The following TEAD1 variants were observed in gnomAD, a reference collection of about 807,000 sequenced individuals.
TEAD1 encodes transcriptional enhancer factor TEF-1.
In TEAD1, 9 loss-of-function variants were observed where a neutral mutation model predicts 54.9. The observed-to-expected ratio is 0.16, with a 90% CI of 0.10 to 0.29. TEAD1 has a LOEUF of 0.29. Ranked by LOEUF, TEAD1 falls within the 10% of genes least tolerant of loss-of-function variation. The pLI is 1.00. For synonymous variants in TEAD1, 200 were observed against 187.8 expected (o/e 1.07, Z -0.53); for missense variants, 387 against 535.9 (o/e 0.72, Z 2.74).
intron 3 of TEAD1, among the ~76,000 whole-genome samples, chr11:12,793,167 A>G (rs1031830377): frequency 6.6e-6 from 1 of 151,602 alleles, no homozygotes; most frequent in African/African-American, 2.4e-5. Flanking sequence ...CCGGTTGCCT[A>G]TTTTTGAGCA....
At chr11:12,767,699 G>A (rs772550910) in intron 3 of TEAD1, among the ~76,000 whole-genome samples, 19 of 152,200 alleles carry the variant, frequency 1.2e-4, no homozygotes, top group Non-Finnish European at 8.8e-5. Flanking sequence ...TGGGCTGTGT[G>A]TGGATAGGTG....
intron 3 of TEAD1, among the ~76,000 whole-genome samples, chr11:12,795,497 C>CA (rs1055859975): frequency 6.6e-6 from 1 of 152,168 alleles, no homozygotes; most frequent in Non-Finnish European, 1.5e-5. Context: ...GGTATGGTCA[C>CA]AATTAGGCAG....
chr11:12,732,866 T>C (rs1002420600), intron 2 of TEAD1, among the ~76,000 whole-genome samples: 3 of 152,202 alleles, frequency 2.0e-5, no homozygotes, highest in Non-Finnish European at 4.4e-5. Flanking sequence ...CTGCGAGATA[T>C]AGAAAAAAGA....
At chr11:12,932,756 C>G (rs1467818465) in intron 12 of TEAD1, among the ~76,000 whole-genome samples, 1 of 152,156 alleles carries the variant, frequency 6.6e-6, no homozygotes, top group Non-Finnish European at 1.5e-5. Context: ...CAAAAGTTTA[C>G]AGTAGTATAC....
At chr11:12,845,485 C>T (rs1947127816) in intron 3 of TEAD1, among the ~76,000 whole-genome samples, 1 of 151,930 alleles carries the variant, frequency 6.6e-6, no homozygotes. Flanking sequence ...AACAGAGCGT[C>T]CTCTTTCATT....
At chr11:12,706,127 C>T (rs146368971) in intron 2 of TEAD1, among the ~76,000 whole-genome samples, 32 of 152,292 alleles carry the variant, frequency 2.1e-4, no homozygotes, top group East Asian at 1.5e-3. Context: ...TGAAATATTG[C>T]GTAAATATGT....
intron 3 of TEAD1, among the ~76,000 whole-genome samples, chr11:12,859,378 A>G (rs949998953): frequency 1.3e-5 from 2 of 150,908 alleles, no homozygotes; most frequent in African/African-American, 2.5e-5. Flanking sequence ...CCCTGGATCT[A>G]TTTCGCCTTG....
At position 12,864,940 on chromosome 11, in the gene TEAD1, A is replaced by G. The variant is rs745938104; in HGVS notation, c.330+40A>G. The G allele has an allele frequency of 5.0e-6, 8 of 1,607,760 alleles. No homozygotes were observed. In the East Asian group the frequency reaches 1.1e-4, roughly 22 times the overall value. On this transcript the variant is annotated intron_variant, in intron 5 of 12. Transcript: ENST00000527636. ...GCTTTTTGGCTTGTGGTTGCTATGCATCTCACTTCCTGTTTTCCATGGTGA... is the reference window on the plus strand; with the variant it reads ...GCTTTTTGGCTTGTGGTTGCTATGCGTCTCACTTCCTGTTTTCCATGGTGA...
At chr11:12,866,922 G>A (rs951481064) in intron 5 of TEAD1, among the ~76,000 whole-genome samples, 2 of 152,164 alleles carry the variant, frequency 1.3e-5, no homozygotes, top group African/African-American at 2.4e-5. Context: ...GGGTAATAGC[G>A]GGAGCAGCCA....
chr11:12,810,285 C>T (rs1317081292), intron 3 of TEAD1, among the ~76,000 whole-genome samples: 1 of 152,070 alleles, frequency 6.6e-6, no homozygotes, highest in African/African-American at 2.4e-5. Context: ...TTCCTCTTTC[C>T]CCATTCTTAA....
At position 12,930,524 on chromosome 11, in the gene TEAD1, G is replaced by A. The variant is rs72864316; in HGVS notation, c.1167+198G>A. On this transcript the variant is annotated intron_variant, in intron 12 of 12. Coordinates refer to ENST00000527636, the MANE Select transcript of TEAD1 (RefSeq NM_021961.6). ...TTGGGCTTGATTCTGTAGAAGAGAA[G>A]GGGTTTTATCTGGCTGGGGTTTCTA... Among the ~76,000 whole-genome samples the A allele has an allele frequency of 2.4e-3, 364 of 152,286 alleles. 1 individual carries two copies. The highest frequency in any genetic ancestry group is 6.8e-3 in the Middle Eastern group (2 of 294).
chr11:12,924,132 A>T (rs1007110599), intron 10 of TEAD1, among the ~76,000 whole-genome samples: 2 of 152,138 alleles, frequency 1.3e-5, no homozygotes, highest in Non-Finnish European at 2.9e-5. Flanking sequence ...TCCTTAATCC[A>T]TGCCCAGAAG....
chr11:12,795,342 C>T (rs1945892933), intron 3 of TEAD1, among the ~76,000 whole-genome samples: 1 of 152,182 alleles, frequency 6.6e-6, no homozygotes, highest in Admixed American at 6.5e-5. Context: ...CTGATCATAT[C>T]TTCAATGACA....
At chr11:12,851,351 T>TAG (rs1282332268) in intron 3 of TEAD1, among the ~76,000 whole-genome samples, 1 of 151,642 alleles carries the variant, frequency 6.6e-6, no homozygotes, top group East Asian at 1.9e-4. Flanking sequence ...TAGACACTTT[T>TAG]AGGAGGATTT....
At chr11:12,847,148 A>C (rs1418261913) in intron 3 of TEAD1, among the ~76,000 whole-genome samples, 1 of 152,148 alleles carries the variant, frequency 6.6e-6, no homozygotes, top group Non-Finnish European at 1.5e-5. Context: ...ACTGCGTCCC[A>C]TGAGCCATGA....
chr11:12,905,485 T>G (rs1465531947), intron 10 of TEAD1, among the ~76,000 whole-genome samples: 1 of 152,334 alleles, frequency 6.6e-6, no homozygotes, highest in East Asian at 1.9e-4. Flanking sequence ...ATAAAGAAAT[T>G]CAGTCATAAC....
chr11:12,873,382 T>C (rs1223945671), intron 5 of TEAD1, among the ~76,000 whole-genome samples: 4 of 152,218 alleles, frequency 2.6e-5, no homozygotes, highest in Non-Finnish European at 5.9e-5. Context: ...TGCTCGTCTG[T>C]AGTCCTCATC....
intron 8 of TEAD1, among the ~76,000 whole-genome samples, chr11:12,882,481 G>A (rs1380956245): frequency 2.4e-4 from 37 of 152,104 alleles, no homozygotes; most frequent in Admixed American, 2.4e-3. Context: ...CACTACTTGA[G>A]GTGTACAGTA....
chr11:12,872,286 T>C (rs1363988568), intron 5 of TEAD1, among the ~76,000 whole-genome samples: 1 of 152,190 alleles, frequency 6.6e-6, no homozygotes, highest in East Asian at 1.9e-4. Context: ...CTCTGCTCCT[T>C]CAGGACTTGG....
Sources: gnomAD v4.1 joint callset for allele counts (sites outside exome capture counted in the v4.1 genomes callset) on GRCh38, gnomAD v4.1.1 for gene constraint, MANE v1.5 for transcripts, NCBI Gene and HGNC (gene_info 2026-07-23, HGNC 2026-07-21) for gene names.